RNF166: variants seen among roughly 807,000 people sequenced by gnomAD.
RNF166 encodes the protein ring finger protein 166.
RNF166 carries 19 observed loss-of-function variants against 29.4 expected under a neutral mutation model. The ratio of observed to expected loss-of-function variants is 0.65; its 90% confidence interval spans 0.45 to 0.95. The LOEUF is 0.95. Ranked by LOEUF, RNF166 falls within the 40% of genes least tolerant of loss-of-function variation. The pLI is 0.00. For synonymous variants in RNF166, 171 were observed against 134.5 expected (o/e 1.27, Z -1.88); for missense variants, 347 against 322.1 (o/e 1.08, Z -0.59).
Position 88,706,152 on chromosome 16 carries a change from C to G in RNF166, c.155+19G>C. The stretch of plus-strand genomic sequence containing the variant: ...GGGGCACGGCCCCCTCCCCGCGGCC[C>G]CTGGGCGGGCGCGCTCACGTGTGGC... On this transcript the variant is annotated intron_variant, in intron 1 of 5. Coordinates refer to ENST00000312838, the MANE Select transcript of RNF166 (RefSeq NM_178841.4). 1 of 1,177,022 alleles carries G rather than the reference C, an allele frequency of 8.5e-7. No individual in the cohort carries two copies. Among genetic ancestry groups the G allele is most frequent in the Non-Finnish European group, 1.0e-6 (1 of 956,942 alleles). The allele number at this position is 1,177,022 out of a possible 1,614,324, so 72.9% of individuals were successfully genotyped here. A position where few individuals can be genotyped will look rare whatever the true frequency, so the allele number is the denominator to read the frequency against.
rs114231572 is a variant in RNF166, at chr16:88,697,519, A to G, written c.*49T>C. ...GAGCAGGTGCCAGGTGCGACACAGG[A>G]GCGGGGACATCCCTGACCCCAGACG... On this transcript the variant is annotated 3_prime_UTR_variant, in exon 6 of 6. Coordinates refer to ENST00000312838, the MANE Select transcript of RNF166 (RefSeq NM_178841.4). The G allele has an allele frequency of 3.2e-3, 4,459 of 1,376,602 alleles. 31 individuals are homozygous for G. Among genetic ancestry groups the G allele is most frequent in the African/African-American group, 0.02 (1,403 of 69,694 alleles). The allele number at this position is 1,376,602 out of a possible 1,614,324, so 85.3% of individuals were successfully genotyped here. A position where few individuals can be genotyped will look rare whatever the true frequency, so the allele number is the denominator to read the frequency against.
chr16:88,704,489 A>T, intron 1 of RNF166: 1 of 985,380 alleles, frequency 1.0e-6, no homozygotes, highest in Non-Finnish European at 1.2e-6. Context: ...ACATTTTAGG[A>T]AAAGACATAT....
At position 88,699,016 on chromosome 16, in the gene RNF166, C is replaced by A; in HGVS notation, c.495G>T (p.Leu165=). Residue 165 remains leucine (L), a synonymous_variant, in exon 4 of 6, where the codon CTG becomes CTT. Coordinates refer to ENST00000312838, the MANE Select transcript of RNF166 (RefSeq NM_178841.4). ...CGARNLDQQE[L]VKHCVESHRS... ...GGTGGCTTTCCACACAGTGCTTCAC[C>A]AGCTCCTGCTGGTCCAGGTTGCGGG... The A allele has an allele frequency of 6.2e-7, 1 of 1,609,512 alleles. No homozygotes were observed. Among genetic ancestry groups the A allele is most frequent in the Non-Finnish European group, 8.5e-7 (1 of 1,178,476 alleles).
intron 1 of RNF166, among the ~76,000 whole-genome samples, chr16:88,705,594 C>G (rs1407616546): frequency 6.6e-6 from 1 of 152,182 alleles, no homozygotes; most frequent in African/African-American, 2.4e-5. Flanking sequence ...AGTGTCTGCT[C>G]CTCTGTGGAC....
intron 1 of RNF166, chr16:88,703,975 TG>T (rs1910522414): frequency 1.0e-6 from 1 of 985,374 alleles, no homozygotes; most frequent in African/African-American, 1.7e-5. Flanking sequence ...CACAGGCTTC[TG>T]GTTACAGAGG....
chr16:88,703,754 G>T (rs557691918), intron 1 of RNF166: 8 of 985,372 alleles, frequency 8.1e-6, no homozygotes, highest in Non-Finnish European at 7.2e-6. Context: ...AGGGGCGATC[G>T]CGCACTGGCC....
intron 4 of RNF166, 68 bp downstream of exon 4, chr16:88,698,903 C>T: frequency 5.5e-6 from 7 of 1,262,330 alleles, no homozygotes; most frequent in Non-Finnish European, 7.9e-6. Context: ...GAGCAGGCTC[C>T]TGGGCCTTGT....
At chr16:88,699,526 C>T (rs1909990075) in intron 3 of RNF166, 94 bp downstream of exon 3, 2 of 986,838 alleles carry the variant, frequency 2.0e-6, no homozygotes, top group Non-Finnish European at 1.5e-6. Context: ...CCGGGTGACT[C>T]CCCCAGCCTC....
At chr16:88,699,487 A>G in intron 3 of RNF166, 133 bp downstream of exon 3, 3 of 671,366 alleles carry the variant, frequency 4.5e-6, no homozygotes, top group Non-Finnish European at 7.6e-6. Context: ...GTGGCAAGGA[A>G]GGTCCACTTC....
At chr16:88,699,378 G>A (rs1360645874) in intron 3 of RNF166, among the ~76,000 whole-genome samples, 1 of 152,242 alleles carries the variant, frequency 6.6e-6, no homozygotes, top group Non-Finnish European at 1.5e-5. Flanking sequence ...GTGTGGGCCC[G>A]GCCTGCGCCC....
chr16:88,701,385 C>A lies in RNF166; in HGVS notation c.189G>T (p.Gln63His), dbSNP rs1402338307. ...AGAGTGGGCACAGCGGGGATGGCAC[C>A]TGCAGGCAGGGCTGGAGACACTCCC... ...FCGECLQPCL[Q>H]VPSPLCPLCR... Residue 63 changes from glutamine to histidine, a missense_variant, in exon 2 of 6, where the codon CAG becomes CAT. By Grantham distance (24) the Gln-to-His change is conservative. Coordinates refer to ENST00000312838, the MANE Select transcript of RNF166 (RefSeq NM_178841.4). The A allele has an allele frequency of 6.2e-7, 1 of 1,610,712 alleles. No individual in the cohort carries two copies. Among genetic ancestry groups the A allele is most frequent in the Non-Finnish European group, 8.5e-7 (1 of 1,179,128 alleles).
intron 1 of RNF166, chr16:88,702,723 A>G: frequency 1.0e-6 from 1 of 985,438 alleles, no homozygotes; most frequent in Non-Finnish European, 1.2e-6. Context: ...CCCGTCAGAA[A>G]GTGAACAAGC....
At chr16:88,700,540 C>T (rs1041526917) in intron 2 of RNF166, 1 of 936,392 alleles carries the variant, frequency 1.1e-6, no homozygotes, top group Non-Finnish European at 1.3e-6. Context: ...ACCGAGGGGC[C>T]ACGTACTAGT....
At chr16:88,703,760 T>C in intron 1 of RNF166, 1 of 985,496 alleles carries the variant, frequency 1.0e-6, no homozygotes, top group Admixed American at 6.1e-5. Flanking sequence ...GATCGCGCAC[T>C]GGCCCTCCCA....
rs753455083 is a variant in RNF166, at chr16:88,697,569, C to T, written c.713G>A (p.Ter238=). Reference sequence around the variant, plus strand: ...GCAGGCGGGTGGCTGCGCTTCCCTTCAGTTCTCAGAGAGAGACAGGGCCAG... The same window carrying T: ...GCAGGCGGGTGGCTGCGCTTCCCTTTAGTTCTCAGAGAGAGACAGGGCCAG... The part of the protein sequence containing the change: ...AALALSLSEN[*] Residue 238 remains the stop codon, a stop_retained_variant, in exon 6 of 6, where the codon TGA becomes TAA. Transcript: ENST00000312838. 19 of 1,549,098 alleles carry T rather than the reference C, an allele frequency of 1.2e-5. No individual in the cohort carries two copies. The highest frequency in any genetic ancestry group is 2.0e-5 in the Admixed American group (1 of 50,738).
intron 1 of RNF166, chr16:88,703,187 G>A (rs960796863): frequency 5.1e-6 from 5 of 978,860 alleles, no homozygotes; most frequent in Non-Finnish European, 6.1e-6. Flanking sequence ...ACGGGTGGGT[G>A]CCAGGCGAGG....
intron 2 of RNF166, among the ~76,000 whole-genome samples, chr16:88,700,332 C>A (rs11649075): frequency 6.6e-6 from 1 of 151,608 alleles, no homozygotes; most frequent in Non-Finnish European, 1.5e-5. Context: ...GATTAGAGAA[C>A]GGAGCTGCTG....
intron 1 of RNF166, chr16:88,704,003 C>A: frequency 2.0e-6 from 2 of 985,496 alleles, no homozygotes; most frequent in Non-Finnish European, 2.4e-6. Flanking sequence ...ACTGCTCAGA[C>A]TGTCCCCTGG....
At chr16:88,700,043 G>C (rs915525440) in intron 2 of RNF166, 53 of 210,254 alleles carry the variant, frequency 2.5e-4, no homozygotes, top group African/African-American at 1.2e-3. Flanking sequence ...TCCAGAAAAA[G>C]GAAGAGGCCA....
Sources: allele counts gnomAD v4.1 joint callset (sites outside exome capture counted in the v4.1 genomes callset), GRCh38; gene constraint gnomAD v4.1.1; transcripts MANE v1.5; gene names NCBI Gene and HGNC (gene_info 2026-07-23, HGNC 2026-07-21).